CDKL1: variants seen among roughly 807,000 people sequenced by gnomAD.
CDKL1 encodes the protein cyclin dependent kinase like 1, also known as cyclin-dependent kinase-like 1.
In CDKL1, 41 loss-of-function variants were observed where a neutral mutation model predicts 42.0. The observed-to-expected ratio is 0.98, with a 90% CI of 0.76 to 1.27. CDKL1 has a LOEUF of 1.27. Ranked by LOEUF, CDKL1 falls within the 50% of genes most tolerant of loss-of-function variation. CDKL1 has a pLI of 0.00. For synonymous variants in CDKL1, 153 were observed against 158.6 expected (o/e 0.96, Z 0.26); for missense variants, 394 against 428.4 (o/e 0.92, Z 0.71).
Position 50,326,290 on chromosome 14 carries a change from T to A in CDKL1, c.*3784A>T. The A allele has an allele frequency of 2.2e-6, 1 of 460,624 alleles. No homozygotes were observed. The highest frequency in any genetic ancestry group is 2.9e-6 in the Non-Finnish European group (1 of 350,838). The allele number at this position is 460,624 out of a possible 1,614,324, so 28.5% of individuals were successfully genotyped here. On this transcript the variant is annotated 3_prime_UTR_variant, in exon 10 of 10. Coordinates refer to ENST00000395834, the MANE Select transcript of CDKL1 (RefSeq NM_004196.7). The stretch of plus-strand genomic sequence containing the variant: ...TTTTAATTCTAATATATTCATTTAA[T>A]ATGTAAATCTATAGATATCTCTTGA...
chr14:50,359,604 G>C (rs2034174949), intron 2 of CDKL1, among the ~76,000 whole-genome samples: 1 of 151,904 alleles, frequency 6.6e-6, no homozygotes. Flanking sequence ...TCAGTTAATT[G>C]TTTGAAGTCT....
chr14:50,343,607 C>G (rs928756588), intron 4 of CDKL1, among the ~76,000 whole-genome samples: 1 of 152,146 alleles, frequency 6.6e-6, no homozygotes, highest in Non-Finnish European at 1.5e-5. Flanking sequence ...AGCATGTGCT[C>G]CTATTCTGTT....
intron 2 of CDKL1, among the ~76,000 whole-genome samples, chr14:50,367,655 T>A (rs2034470564): frequency 6.6e-6 from 1 of 152,210 alleles, no homozygotes; most frequent in Admixed American, 6.5e-5. Flanking sequence ...ACAGAACAGG[T>A]TAAATTACCA....
At chr14:50,397,086 C>T (rs1170417512), upstream of CDKL1, 2 of 1,350,022 alleles carry the variant, frequency 1.5e-6, no homozygotes, top group South Asian at 2.3e-5. Context: ...GCCGGGAGAG[C>T]AGACCTGCTA....
chr14:50,396,315 GTGTT>G lies in CDKL1; in HGVS notation c.-451_-448del. 9.9e-7 allele frequency: 1 copy of G among 1,008,420 alleles called. No individual in the cohort carries two copies. The highest frequency in any genetic ancestry group is 4.1e-5 in the South Asian group (1 of 24,202). 62.5% of individuals were successfully genotyped at this position (1,008,420 alleles called of 1,614,324 possible). A position where few individuals can be genotyped will look rare whatever the true frequency, so the allele number is the denominator to read the frequency against. On this transcript the variant is annotated 5_prime_UTR_variant, in exon 2 of 10. Transcript: ENST00000395834. ...GCACTAGAGCCCCACCCAACGATGAGTGTTTGTCACGGTCCTAGAACAGAACAGC... is the reference window on the plus strand; with the variant it reads ...GCACTAGAGCCCCACCCAACGATGAGTGTCACGGTCCTAGAACAGAACAGC...
intron 2 of CDKL1, among the ~76,000 whole-genome samples, chr14:50,389,966 T>C (rs987088028): frequency 1.3e-5 from 2 of 152,206 alleles, no homozygotes; most frequent in African/African-American, 4.8e-5. Flanking sequence ...TCATTAACCA[T>C]ACTGAATCCA....
rs774760157 is a variant in CDKL1 at position 50,344,986 on chromosome 14, A to G, written c.363T>C (p.Asn121=). The G allele has an allele frequency of 2.5e-6, 4 of 1,613,042 alleles. No homozygotes were observed. The highest frequency in any genetic ancestry group is 3.3e-5 in the Admixed American group (2 of 59,982). ...TTTCAAAAGAGATCATGAGACTTACATTGTGTTTATGGCAAAAATTTACAG... is the reference window on the plus strand; with the variant it reads ...TTTCAAAAGAGATCATGAGACTTACGTTGTGTTTATGGCAAAAATTTACAG... ...LQAVNFCHKH[N]CIHRDVKPEN... The change falls in exon 4 of 10, where the codon AAT becomes AAC. Residue 121 remains asparagine, a splice_region_variant and synonymous_variant. Coordinates refer to ENST00000395834, the MANE Select transcript of CDKL1 (RefSeq NM_004196.7).
At chr14:50,369,399 G>A (rs945443866) in intron 2 of CDKL1, among the ~76,000 whole-genome samples, 4 of 151,796 alleles carry the variant, frequency 2.6e-5, no homozygotes, top group Non-Finnish European at 5.9e-5. Context: ...CATCACTCTT[G>A]CATTATTGAC....
chr14:50,361,095 A>T (rs2034233866), intron 2 of CDKL1, among the ~76,000 whole-genome samples: 1 of 152,162 alleles, frequency 6.6e-6, no homozygotes, highest in Admixed American at 6.5e-5. Flanking sequence ...TTTCACCTAC[A>T]TTCCCCAGGT....
At chr14:50,387,470 C>G (rs999349401) in intron 2 of CDKL1, among the ~76,000 whole-genome samples, 1 of 151,946 alleles carries the variant, frequency 6.6e-6, no homozygotes, top group Admixed American at 6.6e-5. Flanking sequence ...TTGCAGTGAG[C>G]CCAGATCATA....
intron 2 of CDKL1, among the ~76,000 whole-genome samples, chr14:50,394,981 T>TA (rs565898275): frequency 8.6e-5 from 13 of 152,024 alleles, no homozygotes; most frequent in South Asian, 4.2e-4. Flanking sequence ...TAAAAAATGT[T>TA]AAAAAAAATT....
intron 2 of CDKL1, among the ~76,000 whole-genome samples, chr14:50,392,156 AAC>A (rs2035275739): frequency 6.6e-6 from 1 of 152,216 alleles, no homozygotes; most frequent in Non-Finnish European, 1.5e-5. Flanking sequence ...AGCTTTTAAG[AAC>A]ACTATGGCCA....
chr14:50,397,177 C>T (rs551166131), upstream of CDKL1: 1 of 1,366,604 alleles, frequency 7.3e-7, no homozygotes, highest in African/African-American at 1.5e-5. Flanking sequence ...AGGAGCCCCT[C>T]CTGAGCGGTC....
At chr14:50,334,540 G>C in intron 8 of CDKL1, 25 bp downstream of exon 8, 2 of 1,400,402 alleles carry the variant, frequency 1.4e-6, no homozygotes, top group Non-Finnish European at 2.0e-6. Flanking sequence ...GTGCTTCCTG[G>C]TCTGTTGGAA....
At chr14:50,360,878 C>T (rs1277232562) in intron 2 of CDKL1, among the ~76,000 whole-genome samples, 1 of 151,646 alleles carries the variant, frequency 6.6e-6, no homozygotes, top group African/African-American at 2.4e-5. Context: ...CAAGTGGTAG[C>T]AAGGTTGAGC....
intron 3 of CDKL1, among the ~76,000 whole-genome samples, chr14:50,355,668 G>A (rs943955487): frequency 6.6e-6 from 1 of 152,204 alleles, no homozygotes; most frequent in African/African-American, 2.4e-5. Context: ...CTTGAGGATT[G>A]TGCATTTTAC....
At chr14:50,338,442 G>A (rs1315019621) in intron 7 of CDKL1, among the ~76,000 whole-genome samples, 3 of 152,072 alleles carry the variant, frequency 2.0e-5, no homozygotes, top group Non-Finnish European at 2.9e-5. Flanking sequence ...TGGCCAGGCT[G>A]GTCTGGAACT....
chr14:50,369,375 G>A (rs1403669143), intron 2 of CDKL1, among the ~76,000 whole-genome samples: 2 of 152,026 alleles, frequency 1.3e-5, no homozygotes, highest in East Asian at 1.9e-4. Flanking sequence ...TGCCAAGTGA[G>A]AGTTGCTCTT....
chr14:50,383,976 T>C (rs1045509782), intron 2 of CDKL1, among the ~76,000 whole-genome samples: 2 of 152,206 alleles, frequency 1.3e-5, no homozygotes, highest in African/African-American at 4.8e-5. Context: ...AAAAATCTTC[T>C]AATAAACAAA....
Sources: gnomAD v4.1 joint callset for allele counts (sites outside exome capture counted in the v4.1 genomes callset) on GRCh38, gnomAD v4.1.1 for gene constraint, MANE v1.5 for transcripts, NCBI Gene and HGNC (gene_info 2026-07-23, HGNC 2026-07-21) for gene names.